Variants in PDK1 observed in about 807,000 individuals in gnomAD.
PDK1 encodes the protein pyruvate dehydrogenase kinase 1, also known as [Pyruvate dehydrogenase (acetyl-transferring)] kinase isozyme 1, mitochondrial.
A neutral mutation model predicts 54.2 loss-of-function variants in PDK1; 39 were observed. That is an observed-to-expected ratio of 0.72 (90% CI 0.56 to 0.94). The LOEUF (loss-of-function observed/expected upper bound fraction) is 0.94, where lower values mean the gene tolerates loss of function less well. PDK1 is among the 40% of genes least tolerant of loss of function. The pLI, the probability that PDK1 is intolerant of heterozygous loss-of-function variation, is 0.00. For synonymous variants in PDK1, 221 were observed against 207.1 expected (o/e 1.07, Z -0.58); for missense variants, 552 against 566.0 (o/e 0.98, Z 0.25).
chr2:172,630,772 G>A, the PDK1 span, among the ~76,000 whole-genome samples: 1 of 152,048 alleles, frequency 6.6e-6, no homozygotes, highest in Non-Finnish European at 1.5e-5. Context: ...TGGGACTACA[G>A]GTGCATACCA....
the PDK1 span, among the ~76,000 whole-genome samples, chr2:172,663,578 TC>T: frequency 1.3e-5 from 2 of 151,932 alleles, no homozygotes; most frequent in Non-Finnish European, 2.9e-5. Context: ...CAAGCGATCC[TC>T]CTGTGACAGC....
At chr2:172,621,588 TTATA>T in the PDK1 span, among the ~76,000 whole-genome samples, 2 of 147,162 alleles carry the variant, frequency 1.4e-5, no homozygotes, top group African/African-American at 4.9e-5. Flanking sequence ...TGATATATGT[TTATA>T]TATGATATAT....
the PDK1 span, among the ~76,000 whole-genome samples, chr2:172,686,369 G>A: frequency 5.9e-5 from 9 of 152,148 alleles, no homozygotes; most frequent in Non-Finnish European, 8.8e-5. Flanking sequence ...TCGGCGCTTT[G>A]TAACTAGCTA....
At chr2:172,661,814 G>A in the PDK1 span, among the ~76,000 whole-genome samples, 1 of 152,140 alleles carries the variant, frequency 6.6e-6, no homozygotes, top group Non-Finnish European at 1.5e-5. Flanking sequence ...GGGAGAGAGA[G>A]GGAGAGGGGC....
intron 3 of PDK1, chr2:172,564,206 T>A (rs1688813341): frequency 4.2e-6 from 2 of 473,066 alleles, no homozygotes; most frequent in Non-Finnish European, 8.1e-6. Context: ...ATGACCTTAG[T>A]TGATAACAGT....
At chr2:172,621,222 C>G in the PDK1 span, among the ~76,000 whole-genome samples, 1 of 152,066 alleles carries the variant, frequency 6.6e-6, no homozygotes, top group Non-Finnish European at 1.5e-5. Context: ...GAGGGTGTTG[C>G]CAAAGGAGAT....
the PDK1 span, among the ~76,000 whole-genome samples, chr2:172,660,247 C>CTTTT: frequency 1.0e-3 from 45 of 44,234 alleles, 4 homozygotes; most frequent in African/African-American, 2.9e-3. Context: ...CTCTCTCTCT[C>CTTTT]TTTTTTTTTT....
At chr2:172,586,835 A>C (rs1211818549) in intron 9 of PDK1, among the ~76,000 whole-genome samples, 1 of 152,128 alleles carries the variant, frequency 6.6e-6, no homozygotes, top group Non-Finnish European at 1.5e-5. Flanking sequence ...TCAATCACCA[A>C]CCTGAAGGCT....
intron 6 of PDK1, 122 bp from the exon 7 acceptor site, chr2:172,568,619 C>A: frequency 1.5e-6 from 1 of 653,266 alleles, no homozygotes; most frequent in Non-Finnish European, 2.7e-6. Context: ...TGTGGCAGTT[C>A]TCCCCCAGGT....
At chr2:172,575,630 T>C (rs1339938534) in intron 8 of PDK1, among the ~76,000 whole-genome samples, 1 of 152,006 alleles carries the variant, frequency 6.6e-6, no homozygotes, top group Admixed American at 6.6e-5. Context: ...GAGACTAGCC[T>C]GGCCAACATG....
the PDK1 span, among the ~76,000 whole-genome samples, chr2:172,651,934 T>C: frequency 2.0e-5 from 3 of 152,120 alleles, no homozygotes; most frequent in Non-Finnish European, 2.9e-5. Context: ...TTCCAATCAA[T>C]AGAAAAAGAG....
the PDK1 span, among the ~76,000 whole-genome samples, chr2:172,721,454 C>T: frequency 6.6e-6 from 1 of 152,156 alleles, no homozygotes; most frequent in Non-Finnish European, 1.5e-5. Flanking sequence ...AATTCTGCCT[C>T]ACTCTCCCAG....
the PDK1 span, among the ~76,000 whole-genome samples, chr2:172,632,715 C>G: frequency 6.6e-6 from 1 of 151,846 alleles, no homozygotes; most frequent in Admixed American, 6.6e-5. Flanking sequence ...GGCACGGTGG[C>G]TCACGCCTGT....
chr2:172,556,753 T>G, intron 1 of PDK1: 1 of 160,488 alleles, frequency 6.2e-6, no homozygotes, highest in Non-Finnish European at 1.4e-5. Flanking sequence ...CATATGATGA[T>G]TGCATAGAAT....
chr2:172,707,352 G>T, the PDK1 span, among the ~76,000 whole-genome samples: 3 of 152,192 alleles, frequency 2.0e-5, no homozygotes, highest in Non-Finnish European at 4.4e-5. Flanking sequence ...GACTTGGGCT[G>T]GCATGGGCGG....
chr2:172,566,245 T>C (rs888380105), intron 5 of PDK1, among the ~76,000 whole-genome samples: 1 of 152,200 alleles, frequency 6.6e-6, no homozygotes, highest in Admixed American at 6.5e-5. Context: ...CTATTCAGCT[T>C]TGTCATGTCA....
the PDK1 span, among the ~76,000 whole-genome samples, chr2:172,665,046 G>T: frequency 6.6e-6 from 1 of 152,156 alleles, no homozygotes; most frequent in African/African-American, 2.4e-5. Flanking sequence ...TATTTGATGG[G>T]ATAGAGAGAG....
chr2:172,663,350 T>C, the PDK1 span, among the ~76,000 whole-genome samples: 3 of 152,350 alleles, frequency 2.0e-5, no homozygotes, highest in Admixed American at 6.5e-5. Flanking sequence ...AGTCACATTT[T>C]GATAGGACTT....
the PDK1 span, among the ~76,000 whole-genome samples, chr2:172,630,705 C>G: frequency 6.6e-6 from 1 of 151,550 alleles, no homozygotes; most frequent in Non-Finnish European, 1.5e-5. Context: ...TCTCGGTTCA[C>G]TGCAACCTCC....
Sources: gnomAD v4.1 joint callset for allele counts (sites outside exome capture counted in the v4.1 genomes callset) on GRCh38, gnomAD v4.1.1 for gene constraint, MANE v1.5 for transcripts, NCBI Gene and HGNC (gene_info 2026-07-23, HGNC 2026-07-21) for gene names.